Variants in STK32C observed in about 807,000 individuals in gnomAD.
STK32C encodes serine/threonine kinase 32C, also known as serine/threonine-protein kinase 32C.
STK32C carries 31 observed loss-of-function variants against 56.5 expected under a neutral mutation model. The observed-to-expected ratio is 0.55, with a 90% CI of 0.41 to 0.74. The LOEUF (loss-of-function observed/expected upper bound fraction) is 0.74. Ranked by LOEUF, STK32C falls within the 30% of genes least tolerant of loss-of-function variation. The pLI, the probability that STK32C is intolerant of heterozygous loss-of-function variation, is 0.00. For synonymous variants in STK32C, 309 were observed against 289.4 expected, an observed-to-expected ratio of 1.07 and a Z score of -0.69; for missense variants, 544 against 676.9, an observed-to-expected ratio of 0.80 and a Z score of 2.18.
intron 2 of STK32C, among the ~76,000 whole-genome samples, chr10:132,245,406 C>A (rs950926989): frequency 6.6e-5 from 10 of 152,190 alleles, no homozygotes; most frequent in African/African-American, 2.4e-4. Context: ...GAAGTTAGAT[C>A]TGGTCAAGAG....
At chr10:132,266,469 T>A (rs2064532732) in intron 1 of STK32C, among the ~76,000 whole-genome samples, 1 of 152,208 alleles carries the variant, frequency 6.6e-6, no homozygotes, top group South Asian at 2.1e-4. Flanking sequence ...ACTGTAATTA[T>A]ACCTCAATAC....
At chr10:132,277,630 C>T (rs1279029803) in intron 1 of STK32C, among the ~76,000 whole-genome samples, 2 of 152,306 alleles carry the variant, frequency 1.3e-5, no homozygotes, top group African/African-American at 4.8e-5. Context: ...TTTGGGACAG[C>T]GGCAGCCTTT....
chr10:132,227,941 G>GT, intron 3 of STK32C, 36 bp downstream of exon 3: 1 of 1,607,562 alleles, frequency 6.2e-7, no homozygotes, highest in Non-Finnish European at 8.5e-7. Context: ...CTTCAGGACG[G>GT]TAAGTCTTTC....
chr10:132,311,039 G>A (rs766688554), upstream of STK32C, among the ~76,000 whole-genome samples: 3 of 152,144 alleles, frequency 2.0e-5, no homozygotes, highest in Non-Finnish European at 2.9e-5. This position sits in a 1 kb window ranked among gnomAD's most constrained non-coding sequence, Gnocchi z 4.4. Context: ...GGGACAAGGT[G>A]CAGTCCCTGA....
At position 132,207,794 on chromosome 10, in the gene STK32C, C is replaced by T; in HGVS notation, c.*216G>A. ...CCTCCATCTAGGCGGGTCTCGGGGG[C>T]CCACGGGAAATGCCCTCCACAGGTG... is the stretch of plus-strand genomic sequence containing the variant. On this transcript the variant is annotated 3_prime_UTR_variant, in exon 12 of 12. Transcript: ENST00000298630. 3.8e-6 allele frequency: 2 copies of T among 533,102 alleles called. No homozygotes were observed. The highest frequency in any genetic ancestry group is 4.5e-5 in the Admixed American group (1 of 22,446). 33.0% of individuals were successfully genotyped at this position (533,102 alleles called of 1,614,324 possible).
chr10:132,293,702 C>T (rs766819369), intron 1 of STK32C, among the ~76,000 whole-genome samples: 4 of 152,082 alleles, frequency 2.6e-5, no homozygotes, highest in Admixed American at 6.5e-5. Context: ...GGAGATCACA[C>T]AGCCAGGCAC....
chr10:132,330,030 A>G (rs1398609692), intron 1 of STK32C, among the ~76,000 whole-genome samples: 2 of 152,232 alleles, frequency 1.3e-5, no homozygotes, highest in African/African-American at 4.8e-5. Flanking sequence ...TCAACAAGGA[A>G]CGCGGCACCA....
At chr10:132,331,224 A>AAAAC (rs2066710443) in intron 1 of STK32C, among the ~76,000 whole-genome samples, 1 of 136,190 alleles carries the variant, frequency 7.3e-6, no homozygotes, top group Non-Finnish European at 1.6e-5. Context: ...AAAAAAAAAA[A>AAAAC]GTGAAATCAT....
intron 1 of STK32C, among the ~76,000 whole-genome samples, chr10:132,269,946 CT>C (rs2064762826): frequency 6.6e-6 from 1 of 152,244 alleles, no homozygotes; most frequent in Admixed American, 6.5e-5. Context: ...GCCAGGCCCC[CT>C]GTCCTCCACG....
chr10:132,267,402 T>C (rs2064580657), intron 1 of STK32C, among the ~76,000 whole-genome samples: 1 of 152,264 alleles, frequency 6.6e-6, no homozygotes, highest in Non-Finnish European at 1.5e-5. Flanking sequence ...TGCATGTGCA[T>C]GTATGTTTCT....
intron 10 of STK32C, 103 bp from the exon 11 acceptor site, chr10:132,209,204 G>A: frequency 1.3e-5 from 14 of 1,092,174 alleles, no homozygotes; most frequent in Non-Finnish European, 1.9e-5. Context: ...CTCCACCTGT[G>A]GCTTTGGATG....
In STK32C at chr10:132,255,633, C is replaced by T. The variant is rs2064092401; in HGVS notation, c.263-9678G>A. Reference sequence around the variant, plus strand: ...GAGGAGCAGGGGGCCCTGCAGGAAGCAGGTCCCTCAACCCTTGCTGAGCCC... The same window carrying T: ...GAGGAGCAGGGGGCCCTGCAGGAAGTAGGTCCCTCAACCCTTGCTGAGCCC... On this transcript the variant is annotated intron_variant, in intron 1 of 11. Coordinates refer to ENST00000298630, the MANE Select transcript of STK32C (RefSeq NM_173575.4). This position sits in a 1 kb window ranked among gnomAD's most constrained non-coding sequence, Gnocchi z 4.6. 1.3e-5 allele frequency among the ~76,000 whole-genome samples: 2 copies of T among 152,160 alleles called. No individual in the cohort carries two copies. The highest frequency in any genetic ancestry group is 4.8e-5 in the African/African-American group (2 of 41,434).
intron 10 of STK32C, 32 bp from the exon 11 acceptor site, chr10:132,209,133 G>C (rs1324035744): frequency 6.2e-7 from 1 of 1,600,886 alleles, no homozygotes; most frequent in Non-Finnish European, 8.6e-7. Flanking sequence ...TGAGCGTGGG[G>C]GACGCTGTCC....
intron 1 of STK32C, among the ~76,000 whole-genome samples, chr10:132,257,723 TCCC>T (rs1442790778): frequency 1.3e-4 from 12 of 91,658 alleles, no homozygotes; most frequent in Non-Finnish European, 1.3e-4. Flanking sequence ...CCCACAATCC[TCCC>T]CCCAACCCCC....
Position 132,302,972 on chromosome 10 carries a change from C to T in STK32C, c.262+4600G>A, listed in dbSNP as rs138439709. On this transcript the variant is annotated intron_variant, in intron 1 of 11. Transcript: ENST00000298630. ...AATGAACTTCAAAGCTATAGACTAA[C>T]GAGAATTTAGCCAAGTGCAGTCATG... Among the ~76,000 whole-genome samples, 10 of 152,294 alleles carry T rather than the reference C, an allele frequency of 6.6e-5. No individual in the cohort carries two copies. In the East Asian group the frequency reaches 1.4e-3, roughly 21 times the overall value.
rs2063670931 is a variant in STK32C at position 132,245,893 on chromosome 10, G to A, written c.318+7C>T. The A allele has an allele frequency of 1.4e-5, 22 of 1,612,354 alleles. No homozygotes were observed. The highest frequency in any genetic ancestry group is 1.8e-5 in the Non-Finnish European group (21 of 1,179,896). On this transcript the variant is annotated splice_region_variant and intron_variant, in intron 2 of 11. Coordinates refer to ENST00000298630, the MANE Select transcript of STK32C (RefSeq NM_173575.4). ...CAGCCCAGTCCCCACCCCAGGCCCTGCCTTACCTTGCCAAAGCTGCCCTTC... is the reference window on the plus strand; with the variant it reads ...CAGCCCAGTCCCCACCCCAGGCCCTACCTTACCTTGCCAAAGCTGCCCTTC...
intron 10 of STK32C, among the ~76,000 whole-genome samples, chr10:132,212,452 T>C (rs2062338261): frequency 6.6e-6 from 1 of 152,128 alleles, no homozygotes; most frequent in African/African-American, 2.4e-5. Flanking sequence ...ACGCAAGAGC[T>C]GAAACTATAC....
At position 132,316,074 on chromosome 10, in the gene STK32C, T is replaced by G. The variant is rs148722554; in HGVS notation, c.301+15362A>C. Among the ~76,000 whole-genome samples, 763 of 152,286 alleles carry G rather than the reference T, an allele frequency of 5.0e-3. 9 individuals carry two copies. The highest frequency in any genetic ancestry group is 0.018 in the African/African-American group (732 of 41,566). The stretch of plus-strand genomic sequence containing the variant: ...TGAGAAAAATAAGAGATGTTAAAAA[T>G]CAGTTTTCTAAGTTCTGTCTTAAGA... On this transcript the variant is annotated intron_variant, in intron 1 of 3. Transcript: ENST00000368620.
intron 1 of STK32C, among the ~76,000 whole-genome samples, chr10:132,264,691 T>A (rs1052738644): frequency 6.6e-5 from 10 of 151,826 alleles, no homozygotes; most frequent in Admixed American, 1.3e-4. Context: ...CAGCACCTAG[T>A]GGGGCTCGCA....
Sources: gnomAD v4.1 joint callset for allele counts (sites outside exome capture counted in the v4.1 genomes callset) on GRCh38, gnomAD v4.1.1 for gene constraint, Gnocchi (gnomAD v3.1) non-coding constraint, MANE v1.5 for transcripts, NCBI Gene and HGNC (gene_info 2026-07-23, HGNC 2026-07-21) for gene names.